Variants in NTNG1 observed in about 807,000 individuals in gnomAD.
NTNG1 encodes netrin G1, also known as netrin-G1.
A neutral mutation model predicts 54.0 loss-of-function variants in NTNG1; 16 were observed. That is an observed-to-expected ratio of 0.30 (90% confidence interval 0.20 to 0.45). The LOEUF is 0.45. NTNG1 is among the 20% of genes least tolerant of loss of function. NTNG1 has a pLI of 1.00. For missense variants in NTNG1, 530 were observed against 678.7 expected, an observed-to-expected ratio of 0.78 and a Z score of 2.43; for synonymous variants, 255 against 263.1, an observed-to-expected ratio of 0.97 and a Z score of 0.30.
chr1:107,268,927 GCCATT>G (rs1348237781), intron 2 of NTNG1, among the ~76,000 whole-genome samples: 2 of 151,962 alleles, frequency 1.3e-5, no homozygotes, highest in Non-Finnish European at 1.5e-5. Flanking sequence ...AACCCTCCAA[GCCATT>G]GTCATCTCCC....
At chr1:107,462,678 C>G (rs548180025) in intron 7 of NTNG1, among the ~76,000 whole-genome samples, 1 of 152,252 alleles carries the variant, frequency 6.6e-6, no homozygotes, top group South Asian at 2.1e-4. Flanking sequence ...TTTTAAATAT[C>G]TCTTCTAAGG....
chr1:107,190,775 C>T (rs1570803242), intron 2 of NTNG1, among the ~76,000 whole-genome samples: 1 of 152,156 alleles, frequency 6.6e-6, no homozygotes, highest in South Asian at 2.1e-4. Flanking sequence ...TTTATGGCTG[C>T]ATAGTATTCC....
intron 2 of NTNG1, among the ~76,000 whole-genome samples, chr1:107,244,214 A>T (rs1662035321): frequency 6.6e-6 from 1 of 152,252 alleles, no homozygotes; most frequent in African/African-American, 2.4e-5. Context: ...CAAGAGTATG[A>T]GTGTTACCTA....
intron 5 of NTNG1, chr1:107,421,213 C>A: frequency 9.3e-7 from 1 of 1,072,034 alleles, no homozygotes; most frequent in Non-Finnish European, 1.4e-6. Flanking sequence ...CTGTATGAAT[C>A]TGGAATATCT....
chr1:107,461,186 G>A (rs1202980082), intron 7 of NTNG1, among the ~76,000 whole-genome samples: 1 of 152,226 alleles, frequency 6.6e-6, no homozygotes, highest in African/African-American at 2.4e-5. Flanking sequence ...ACACTGGTGG[G>A]AGGCACATGG....
intron 3 of NTNG1, among the ~76,000 whole-genome samples, chr1:107,358,359 A>AT (rs202227324): frequency 0.011 from 1,642 of 145,160 alleles, 29 homozygotes; most frequent in East Asian, 0.047. Context: ...ATAGTACTTA[A>AT]TTTTTTTTTT....
intron 3 of NTNG1, among the ~76,000 whole-genome samples, chr1:107,351,866 A>G (rs1350560185): frequency 6.6e-6 from 1 of 152,236 alleles, no homozygotes; most frequent in Non-Finnish European, 1.5e-5. Context: ...ATTAGGATAC[A>G]AGCATTGGGT....
intron 2 of NTNG1, among the ~76,000 whole-genome samples, chr1:107,323,640 G>T (rs536738616): frequency 1.5e-4 from 23 of 152,130 alleles, no homozygotes; most frequent in African/African-American, 5.3e-4. Context: ...TACCTAATAG[G>T]CTGGCAGGTA....
At chr1:107,358,873 A>G (rs1276638266) in intron 3 of NTNG1, among the ~76,000 whole-genome samples, 2 of 152,204 alleles carry the variant, frequency 1.3e-5, no homozygotes, top group East Asian at 1.9e-4. Flanking sequence ...GAACTGACAG[A>G]TTAGTTTATG....
At chr1:107,249,235 C>T (rs1662418755) in intron 2 of NTNG1, among the ~76,000 whole-genome samples, 1 of 151,510 alleles carries the variant, frequency 6.6e-6, no homozygotes, top group African/African-American at 2.4e-5. Flanking sequence ...CCTGTAATCC[C>T]AGCACTTTGG....
chr1:107,196,507 G>A (rs1658343144), intron 2 of NTNG1, among the ~76,000 whole-genome samples: 1 of 152,028 alleles, frequency 6.6e-6, no homozygotes, highest in African/African-American at 2.4e-5. Context: ...ATCGTGGGAA[G>A]TAGTGGGATG....
chr1:107,407,725 A>C lies in NTNG1; in HGVS notation c.1087+17A>C. ...GTATTGGTAGTAAGTAAAAACAAAAACAAAAAAAACACCAAACCAAGTCTA... is the reference window on the plus strand; with the variant it reads ...GTATTGGTAGTAAGTAAAAACAAAACCAAAAAAAACACCAAACCAAGTCTA... On this transcript the variant is annotated intron_variant, in intron 5 of 7. Coordinates refer to ENST00000370068, the MANE Select transcript of NTNG1 (RefSeq NM_001113226.3). 4 of 1,603,906 alleles carry C rather than the reference A, an allele frequency of 2.5e-6. No homozygotes were observed. The highest frequency in any genetic ancestry group is 3.4e-6 in the Non-Finnish European group (4 of 1,171,870).
At chr1:107,458,102 A>ATGCCTAATG (rs1677063849) in intron 7 of NTNG1, among the ~76,000 whole-genome samples, 1 of 152,164 alleles carries the variant, frequency 6.6e-6, no homozygotes, top group Non-Finnish European at 1.5e-5. Context: ...AATTCACCAT[A>ATGCCTAATG]TGCCTAATGT....
intron 4 of NTNG1, among the ~76,000 whole-genome samples, chr1:107,400,758 C>A (rs1035626607): frequency 6.6e-6 from 1 of 151,788 alleles, no homozygotes; most frequent in African/African-American, 2.4e-5. Flanking sequence ...AAGTGATTCT[C>A]CCACCTTAGC....
intron 5 of NTNG1, among the ~76,000 whole-genome samples, chr1:107,423,428 G>C (rs998500425): frequency 6.6e-6 from 1 of 152,024 alleles, no homozygotes; most frequent in Non-Finnish European, 1.5e-5. Flanking sequence ...ATACAACAAA[G>C]TTATTTGGCC....
chr1:107,414,027 C>T (rs1375023482), intron 5 of NTNG1, among the ~76,000 whole-genome samples: 1 of 152,120 alleles, frequency 6.6e-6, no homozygotes, highest in African/African-American at 2.4e-5. Context: ...CAGTAAATGC[C>T]ATGTGTGATA....
At chr1:107,236,752 T>C (rs1661438204) in intron 2 of NTNG1, among the ~76,000 whole-genome samples, 1 of 152,106 alleles carries the variant, frequency 6.6e-6, no homozygotes. Flanking sequence ...GGAGTTTCCC[T>C]GCCCAATATT....
intron 2 of NTNG1, among the ~76,000 whole-genome samples, chr1:107,275,589 A>G (rs1664423932): frequency 6.6e-6 from 1 of 152,076 alleles, no homozygotes; most frequent in African/African-American, 2.4e-5. Context: ...CAGGCTCAAG[A>G]TCCAAGAAAC....
intron 2 of NTNG1, among the ~76,000 whole-genome samples, chr1:107,164,060 T>C (rs1655595193): frequency 1.3e-5 from 2 of 152,242 alleles, no homozygotes; most frequent in African/African-American, 4.8e-5. Flanking sequence ...TAATTTCTAC[T>C]TACTCCAGTT....
Sources: allele counts gnomAD v4.1 joint callset (sites outside exome capture counted in the v4.1 genomes callset), GRCh38; gene constraint gnomAD v4.1.1; transcripts MANE v1.5; gene names NCBI Gene and HGNC (gene_info 2026-07-23, HGNC 2026-07-21).